Variants in PARP11 observed in about 807,000 individuals in gnomAD.
The protein encoded by PARP11 is poly(ADP-ribose) polymerase family member 11, also known as protein mono-ADP-ribosyltransferase PARP11.
PARP11 carries 31 observed loss-of-function variants against 42.9 expected under a neutral mutation model. The ratio of observed to expected loss-of-function variants is 0.72; its 90% confidence interval spans 0.54 to 0.98. PARP11 has a LOEUF of 0.98. Ranked by LOEUF, PARP11 falls within the 50% of genes least tolerant of loss-of-function variation. The pLI is 0.00. For missense variants in PARP11, 365 were observed against 413.1 expected, an observed-to-expected ratio of 0.88 and a Z score of 1.01; for synonymous variants, 137 against 127.3, an observed-to-expected ratio of 1.08 and a Z score of -0.51.
At chr12:3,856,162 A>G (rs1162681758) in intron 1 of PARP11, among the ~76,000 whole-genome samples, 2 of 152,260 alleles carry the variant, frequency 1.3e-5, no homozygotes, top group African/African-American at 4.8e-5. Context: ...ACCTAAAACC[A>G]TAAAAACTCT....
intron 1 of PARP11, among the ~76,000 whole-genome samples, chr12:3,866,457 T>C (rs1337021870): frequency 6.6e-6 from 1 of 152,166 alleles, no homozygotes; most frequent in Non-Finnish European, 1.5e-5. Flanking sequence ...AGGGGCAAAG[T>C]AATGAAATAA....
Position 3,821,926 on chromosome 12 carries a change from T to G in PARP11, c.495A>C (p.Arg165=), listed in dbSNP as rs772132360. The G allele has an allele frequency of 6.2e-7, 1 of 1,610,604 alleles. No homozygotes were observed. The highest frequency in any genetic ancestry group is 1.3e-5 in the African/African-American group (1 of 74,642). Residue 165 remains arginine (R), a synonymous_variant, in exon 6 of 8, where the codon CGA becomes CGC. Transcript: ENST00000228820. ...TTTGAATTCTCTGAATTCTTTTAAT[T>G]CGGTTGCGATCCATCGTCTTCCCAA... ...NLFGKTMDRN[R]IKRIQRIQNL...
chr12:3,835,193 G>A (rs1355265376), intron 1 of PARP11, among the ~76,000 whole-genome samples: 3 of 152,048 alleles, frequency 2.0e-5, no homozygotes, highest in Non-Finnish European at 2.9e-5. Context: ...AACACTTAAG[G>A]GTAAAAATCT....
chr12:3,847,387 T>C (rs1014115095), intron 1 of PARP11, among the ~76,000 whole-genome samples: 6 of 152,158 alleles, frequency 3.9e-5, no homozygotes, highest in Non-Finnish European at 7.4e-5. Flanking sequence ...CATAGGCCAA[T>C]ATCACCCATG....
chr12:3,822,657 T>C (rs1193891161), intron 4 of PARP11, among the ~76,000 whole-genome samples: 1 of 151,700 alleles, frequency 6.6e-6, no homozygotes, highest in East Asian at 1.9e-4. Flanking sequence ...AGGTGTTCAA[T>C]AGTGAACTTT....
intron 6 of PARP11, among the ~76,000 whole-genome samples, chr12:3,819,386 G>A (rs942906835): frequency 1.3e-5 from 2 of 152,126 alleles, no homozygotes; most frequent in Non-Finnish European, 2.9e-5. Context: ...GAGATTTTGT[G>A]TTGGACACTT....
At chr12:3,854,784 G>A (rs1948162995) in intron 1 of PARP11, among the ~76,000 whole-genome samples, 1 of 152,064 alleles carries the variant, frequency 6.6e-6, no homozygotes, top group African/African-American at 2.4e-5. Flanking sequence ...ATTTTATGAG[G>A]CCAGCATCAC....
chr12:3,846,162 TTC>T (rs1195780952), intron 1 of PARP11, among the ~76,000 whole-genome samples: 1 of 152,198 alleles, frequency 6.6e-6, no homozygotes, highest in African/African-American at 2.4e-5. Flanking sequence ...TTTTTCTATG[TTC>T]TGTTTTGTAG....
intron 1 of PARP11, among the ~76,000 whole-genome samples, chr12:3,843,940 C>T (rs11062863): frequency 0.011 from 1,630 of 152,270 alleles, 28 homozygotes; most frequent in Non-Finnish European, 0.011. Context: ...TAGCCAAAAC[C>T]AGATGCGGTG....
intron 1 of PARP11, among the ~76,000 whole-genome samples, chr12:3,838,374 G>T (rs1947807539): frequency 6.6e-6 from 1 of 151,924 alleles, no homozygotes; most frequent in African/African-American, 2.4e-5. Flanking sequence ...AAGAAATTAA[G>T]AAGGAAATTT....
chr12:3,822,346 C>A (rs1354217354), intron 4 of PARP11, among the ~76,000 whole-genome samples, 189 bp from the exon 5 acceptor site: 1 of 151,950 alleles, frequency 6.6e-6, no homozygotes, highest in Non-Finnish European at 1.5e-5. Flanking sequence ...CGCCTGTAAT[C>A]CCAGCACTTT....
chr12:3,817,635 G>A (rs1947318775), intron 6 of PARP11, among the ~76,000 whole-genome samples: 2 of 152,102 alleles, frequency 1.3e-5, no homozygotes, highest in South Asian at 2.1e-4. Context: ...AATCATTCCC[G>A]AACTTACTGA....
At chr12:3,851,752 A>G (rs1948098700) in intron 1 of PARP11, among the ~76,000 whole-genome samples, 1 of 152,214 alleles carries the variant, frequency 6.6e-6, no homozygotes, top group Non-Finnish European at 1.5e-5. Context: ...CTCAGAAGAG[A>G]GCAGTGGTTC....
At position 3,812,390 on chromosome 12, in the gene PARP11, A is replaced by G; in HGVS notation, c.750T>C (p.Asp250=). 6.2e-7 allele frequency: 1 copy of G among 1,614,198 alleles called. No homozygotes were observed. Among genetic ancestry groups the G allele is most frequent in the Non-Finnish European group, 8.5e-7 (1 of 1,180,018 alleles). Reference sequence around the variant, plus strand: ...GGAATGTGTTCCCATGCTTTATGTCATCTTTGCAGAAACGACTGGAATAAG... The same window carrying G: ...GGAATGTGTTCCCATGCTTTATGTCGTCTTTGCAGAAACGACTGGAATAAG... ...DAAYSSRFCK[D]DIKHGNTFQI... is the part of the protein sequence containing the mutation. The change falls in exon 8 of 8, where the codon GAT becomes GAC. Residue 250 remains aspartate, a synonymous_variant. Transcript: ENST00000228820.
intron 1 of PARP11, chr12:3,842,046 G>A (rs879891696): frequency 9.9e-6 from 16 of 1,610,954 alleles, no homozygotes; most frequent in Non-Finnish European, 1.2e-5. Flanking sequence ...CTGTAGCAGA[G>A]GGAAAGGCTC....
rs1262901825 is a variant in PARP11, at chr12:3,861,124, G to GT, written c.18+12087dup. Among the ~76,000 whole-genome samples, 1 of 152,186 alleles carries GT rather than the reference G, an allele frequency of 6.6e-6. No homozygotes were observed. Among genetic ancestry groups the GT allele is most frequent in the Non-Finnish European group, 1.5e-5 (1 of 68,030 alleles). On this transcript the variant is annotated intron_variant, in intron 1 of 7. Transcript: ENST00000228820. This position sits in a 1 kb window ranked among gnomAD's most constrained non-coding sequence, Gnocchi z 4.6. Reference sequence around the variant, plus strand: ...ATGTTGGACTTTAAAGTTGATGCTGGTATCAGTTAAGACTCTGGGGTGATT... The same window carrying GT: ...ATGTTGGACTTTAAAGTTGATGCTGGTTATCAGTTAAGACTCTGGGGTGATT...
intron 5 of PARP11, 36 bp downstream of exon 5, chr12:3,822,049 T>C (rs747979340): frequency 1.2e-6 from 2 of 1,608,986 alleles, no homozygotes; most frequent in Admixed American, 3.4e-5. Context: ...ATTTCCGGTT[T>C]CTTTCATGGG....
At chr12:3,832,159 A>C (rs1947655336) in intron 1 of PARP11, 1 of 976,780 alleles carries the variant, frequency 1.0e-6, no homozygotes, top group African/African-American at 1.8e-5. Context: ...GTGTTTCAGC[A>C]ACATCCTTTC....
In PARP11 at chr12:3,821,915, A is replaced by G. The variant is rs1376592827; in HGVS notation, c.506T>C (p.Ile169Thr). Residue 169 changes from isoleucine (I) to threonine (T), a missense_variant, in exon 6 of 8, where the codon ATT (isoleucine) becomes ACT (threonine). Coordinates refer to ENST00000228820, the MANE Select transcript of PARP11 (RefSeq NM_020367.6). ...KTMDRNRIKR[I>T]QRIQNLDLWE... ...CAAATCTAGGTTTTGAATTCTCTGA[A>G]TTCTTTTAATTCGGTTGCGATCCAT... The G allele has an allele frequency of 6.2e-7, 1 of 1,609,208 alleles. No individual in the cohort carries two copies. The highest frequency in any genetic ancestry group is 1.7e-5 in the Admixed American group (1 of 58,134).
Sources: allele counts gnomAD v4.1 joint callset (sites outside exome capture counted in the v4.1 genomes callset), GRCh38; gene constraint gnomAD v4.1.1; non-coding constraint Gnocchi (gnomAD v3.1); transcripts MANE v1.5; gene names NCBI Gene and HGNC (gene_info 2026-07-23, HGNC 2026-07-21).